The following EBF2 variants were observed in gnomAD, a reference collection of about 807,000 sequenced individuals.
EBF2 encodes EBF transcription factor 2.
A neutral mutation model predicts 72.8 loss-of-function variants in EBF2; 21 were observed. The observed-to-expected ratio is 0.29, with a 90% confidence interval of 0.20 to 0.42. EBF2 has a LOEUF of 0.42. EBF2 is among the 10% of genes least tolerant of loss of function. The pLI is 1.00. For synonymous variants in EBF2, 299 were observed against 274.2 expected (o/e 1.09, Z -0.89); for missense variants, 637 against 731.2 (o/e 0.87, Z 1.49).
chr8:25,857,488 A>C (rs1425672838), intron 14 of EBF2, among the ~76,000 whole-genome samples: 1 of 152,184 alleles, frequency 6.6e-6, no homozygotes, highest in African/African-American at 2.4e-5. Flanking sequence ...AACAAGACCC[A>C]GCATTTCGAG....
intron 6 of EBF2, among the ~76,000 whole-genome samples, chr8:26,029,896 C>T (rs1014674093): frequency 1.7e-4 from 26 of 152,180 alleles, no homozygotes; most frequent in Non-Finnish European, 3.4e-4. Flanking sequence ...CAAATGGAAA[C>T]CTGACTTTAT....
intron 13 of EBF2, among the ~76,000 whole-genome samples, chr8:25,860,042 C>T (rs985880374): frequency 6.6e-6 from 1 of 150,928 alleles, no homozygotes; most frequent in African/African-American, 2.4e-5. Context: ...AAGAACTCTC[C>T]CTGGGCAAAA....
At chr8:25,905,258 C>A (rs1168343966) in intron 7 of EBF2, among the ~76,000 whole-genome samples, 4 of 152,114 alleles carry the variant, frequency 2.6e-5, no homozygotes, top group Non-Finnish European at 5.9e-5. Flanking sequence ...AATGGTGCAA[C>A]CACTATGGAA....
intron 6 of EBF2, among the ~76,000 whole-genome samples, chr8:26,010,818 G>C (rs759941868): frequency 4.6e-5 from 7 of 152,092 alleles, no homozygotes; most frequent in Non-Finnish European, 1.0e-4. Context: ...CCCAAAGAGC[G>C]GCTCTTTCTG....
intron 6 of EBF2, among the ~76,000 whole-genome samples, chr8:25,917,077 C>T (rs991155817): frequency 6.6e-6 from 1 of 152,072 alleles, no homozygotes; most frequent in African/African-American, 2.4e-5. Flanking sequence ...TGACTGTAAA[C>T]GGCTGCTGAA....
chr8:25,859,734 T>TTTTTTTTTTTTTG (rs1183390975), intron 13 of EBF2, among the ~76,000 whole-genome samples: 1 of 151,106 alleles, frequency 6.6e-6, no homozygotes, highest in African/African-American at 2.5e-5. Flanking sequence ...TTTTTTTTTT[T>TTTTTTTTTTTTTG]GAGACAAGAT....
chr8:25,919,588 A>G (rs1447924091), intron 6 of EBF2, among the ~76,000 whole-genome samples: 1 of 152,222 alleles, frequency 6.6e-6, no homozygotes, highest in Non-Finnish European at 1.5e-5. Context: ...CAGGCTCATT[A>G]CTGTCTTAAA....
At chr8:25,947,707 C>T (rs1363322801) in intron 6 of EBF2, among the ~76,000 whole-genome samples, 1 of 152,202 alleles carries the variant, frequency 6.6e-6, no homozygotes, top group Non-Finnish European at 1.5e-5. Flanking sequence ...CTTTCTTGCA[C>T]ATGCACAAGG....
chr8:26,045,066 G>T lies in EBF2; in HGVS notation c.-207C>A, dbSNP rs1585240309. ...GCGGACTGATGTAGTCAAAGTTTGG[G>T]TTCTTATCCTCCGCAAGTTCAGATC... On this transcript the variant is annotated 5_prime_UTR_variant, in exon 1 of 16. Transcript: ENST00000520164. The T allele has an allele frequency of 2.7e-5, 14 of 517,888 alleles. No individual in the cohort carries two copies. The East Asian group carries it at 4.6e-4, about 17-fold the overall frequency. 32.1% of individuals were successfully genotyped at this position (517,888 alleles called of 1,614,324 possible).
At chr8:25,914,669 T>G (rs934529399) in intron 6 of EBF2, among the ~76,000 whole-genome samples, 38 of 152,226 alleles carry the variant, frequency 2.5e-4, no homozygotes, top group Non-Finnish European at 8.8e-5. Flanking sequence ...CCAAGAAGAT[T>G]CAAGGAAAGG....
chr8:26,022,334 C>G (rs138894125), intron 6 of EBF2, among the ~76,000 whole-genome samples: 13 of 152,144 alleles, frequency 8.5e-5, no homozygotes, highest in African/African-American at 2.9e-4. Flanking sequence ...GAGTTGTGCA[C>G]GTCGTTTTCA....
chr8:25,898,267 G>A (rs1439571477), intron 7 of EBF2, among the ~76,000 whole-genome samples: 2 of 152,066 alleles, frequency 1.3e-5, no homozygotes, highest in East Asian at 3.9e-4. Context: ...GAAGAACTGG[G>A]GGAGTTACAC....
chr8:26,043,074 T>C (rs6557875), intron 1 of EBF2, among the ~76,000 whole-genome samples: 148,196 of 152,328 alleles, frequency 0.97, 72,092 homozygotes, highest in East Asian at 1. Flanking sequence ...CTGCGTTTTC[T>C]GGCGGCGCCA....
intron 6 of EBF2, among the ~76,000 whole-genome samples, chr8:25,969,606 T>C (rs1202721767): frequency 6.6e-6 from 1 of 152,220 alleles, no homozygotes; most frequent in Non-Finnish European, 1.5e-5. Flanking sequence ...TTTACTTCAC[T>C]AGAGCCCATC....
chr8:25,926,347 C>A (rs982839686), intron 6 of EBF2, among the ~76,000 whole-genome samples: 1 of 152,078 alleles, frequency 6.6e-6, no homozygotes, highest in African/African-American at 2.4e-5. Flanking sequence ...TTGTGTCGGG[C>A]CTGGGATGTG....
At chr8:26,006,496 T>A (rs1407788036) in intron 6 of EBF2, among the ~76,000 whole-genome samples, 3 of 152,234 alleles carry the variant, frequency 2.0e-5, no homozygotes, top group Non-Finnish European at 4.4e-5. Context: ...AGCAATGGAA[T>A]GAACATCTTC....
intron 6 of EBF2, among the ~76,000 whole-genome samples, chr8:26,022,794 T>C (rs1236865021): frequency 6.6e-6 from 1 of 152,202 alleles, no homozygotes; most frequent in Admixed American, 6.5e-5. Context: ...ATTTCATCAA[T>C]GAGCCAGTCT....
chr8:25,986,510 A>G (rs1804459658), intron 6 of EBF2, among the ~76,000 whole-genome samples: 1 of 152,162 alleles, frequency 6.6e-6, no homozygotes, highest in African/African-American at 2.4e-5. Flanking sequence ...GTTTCTCAAT[A>G]TATACACCTT....
At chr8:25,987,996 G>T (rs1408188742) in intron 6 of EBF2, among the ~76,000 whole-genome samples, 1 of 152,076 alleles carries the variant, frequency 6.6e-6, no homozygotes, top group Non-Finnish European at 1.5e-5. Context: ...TCATAACATA[G>T]GTGCATTCCA....
Sources: gnomAD v4.1 joint callset for allele counts (sites outside exome capture counted in the v4.1 genomes callset) on GRCh38, gnomAD v4.1.1 for gene constraint, MANE v1.5 for transcripts, NCBI Gene and HGNC (gene_info 2026-07-23, HGNC 2026-07-21) for gene names.